PKD1L3: variants seen among roughly 807,000 people sequenced by gnomAD.
PKD1L3 encodes polycystin-1-like protein 3.
Under a neutral mutation model 184.1 loss-of-function variants are expected in PKD1L3, and 239 were observed. That is an observed-to-expected ratio of 1.30 (90% CI 1.17 to 1.45). The LOEUF is 1.45. PKD1L3 is among the 40% of genes most tolerant of loss of function. The probability of loss-of-function intolerance (pLI) is 0.00; values close to 1 mark genes in which losing one functional copy is unlikely to be tolerated. For missense variants in PKD1L3, 2,660 were observed against 2,067.2 expected (o/e 1.29, Z -5.56); for synonymous variants, 996 against 778.8 (o/e 1.28, Z -4.64).
chr16:71,973,906 G>C (rs954816453), intron 11 of PKD1L3, among the ~76,000 whole-genome samples: 1 of 151,958 alleles, frequency 6.6e-6, no homozygotes, highest in Non-Finnish European at 1.5e-5. Context: ...GGAGGCTGAG[G>C]CAGGAAAATT....
intron 11 of PKD1L3, among the ~76,000 whole-genome samples, chr16:71,975,654 T>A (rs544133577): frequency 6.6e-6 from 1 of 152,338 alleles, no homozygotes; most frequent in African/African-American, 2.4e-5. Context: ...GGAATAACCA[T>A]ATAACCATTA....
chr16:71,984,026 C>CTCCA lies in PKD1L3; in HGVS notation c.966+6_966+9dup. 6.4e-7 allele frequency: 1 copy of CTCCA among 1,551,614 alleles called. No individual in the cohort carries two copies. Among genetic ancestry groups the CTCCA allele is most frequent in the Non-Finnish European group, 8.7e-7 (1 of 1,146,694 alleles). On this transcript the variant is annotated intron_variant, in intron 6 of 29. Transcript: ENST00000620267. ...CCTACCTTCTTCCCTCCCAGTCACC[C>CTCCA]TCCACTTACCTGAGCTGGCTTAGAA...
At chr16:71,955,359 C>G (rs1250676109) in intron 16 of PKD1L3, among the ~76,000 whole-genome samples, 2 of 151,710 alleles carry the variant, frequency 1.3e-5, no homozygotes, top group African/African-American at 2.4e-5. Context: ...TTTAATGGGA[C>G]CCAGGAGGCA....
chr16:71,938,844 C>T (rs2038267865), intron 24 of PKD1L3, among the ~76,000 whole-genome samples: 1 of 152,246 alleles, frequency 6.6e-6, no homozygotes, highest in Non-Finnish European at 1.5e-5. Flanking sequence ...CTCTCACCCT[C>T]CAGTTGTCAG....
chr16:71,982,347 G>C (rs891018941), intron 6 of PKD1L3, 112 bp from the exon 7 acceptor site: 66 of 937,636 alleles, frequency 7.0e-5, no homozygotes, highest in Non-Finnish European at 9.4e-5. Flanking sequence ...GTGCAATGGC[G>C]TGATATCGAC....
At chr16:71,982,621 G>C (rs1053444139) in intron 6 of PKD1L3, among the ~76,000 whole-genome samples, 7 of 151,554 alleles carry the variant, frequency 4.6e-5, no homozygotes, top group Non-Finnish European at 8.8e-5. Context: ...TTAAGAGATG[G>C]GGTCTTGCTC....
At chr16:71,968,830 A>C (rs1454551208) in intron 13 of PKD1L3, among the ~76,000 whole-genome samples, 1 of 152,150 alleles carries the variant, frequency 6.6e-6, no homozygotes, top group Non-Finnish European at 1.5e-5. Context: ...TCTTGACCTC[A>C]AGCGATCCAC....
chr16:71,952,195 A>AGTTTT, intron 18 of PKD1L3, among the ~76,000 whole-genome samples: 1 of 50,790 alleles, frequency 2.0e-5, no homozygotes, highest in East Asian at 7.4e-4. Context: ...GGAGCATGTC[A>AGTTTT]TTTTTTTTTT....
At chr16:71,968,744 C>A (rs770449349) in intron 13 of PKD1L3, among the ~76,000 whole-genome samples, 98 of 151,500 alleles carry the variant, frequency 6.5e-4, no homozygotes, top group Non-Finnish European at 1.2e-3. Context: ...TACAGACATG[C>A]ACCACCACAG....
At chr16:71,986,914 ATTTTTTTTTTTTTTT>A (rs71153694) in intron 4 of PKD1L3, among the ~76,000 whole-genome samples, 2 of 81,366 alleles carry the variant, frequency 2.5e-5, no homozygotes, top group Non-Finnish European at 4.3e-5. Flanking sequence ...TAAGGAGAGG[ATTTTTTTTTTTTTTT>A]TTTTTTTTTT....
At chr16:71,931,893 C>T (rs1326257862) in intron 28 of PKD1L3, among the ~76,000 whole-genome samples, 2 of 152,068 alleles carry the variant, frequency 1.3e-5, no homozygotes, top group Non-Finnish European at 2.9e-5. Flanking sequence ...AGTTGTTACA[C>T]CGGTTTGTGG....
In PKD1L3 at chr16:71,937,277, AC is replaced by A; in HGVS notation, c.4452+14del. 1 of 1,547,514 alleles carries A rather than the reference AC, an allele frequency of 6.5e-7. No individual in the cohort carries two copies. Among genetic ancestry groups the A allele is most frequent in the South Asian group, 1.2e-5 (1 of 83,132 alleles). ...GCCATGTTGCCCAGGCTGACATCTA[AC>A]ATTATTGACTCACCTGTATGAAGGC... On this transcript the variant is annotated intron_variant, in intron 25 of 29. Coordinates refer to ENST00000620267, the MANE Select transcript of PKD1L3 (RefSeq NM_181536.2).
In PKD1L3 at chr16:71,933,400, A is replaced by G; in HGVS notation, c.4926+20T>C. On this transcript the variant is annotated intron_variant, in intron 28 of 29. Coordinates refer to ENST00000620267, the MANE Select transcript of PKD1L3 (RefSeq NM_181536.2). ...GTTCAATATATTGAATTCTGTGAGG[A>G]AACAAATTATTATTTTTACCTCCTC... The G allele has an allele frequency of 6.7e-7, 1 of 1,502,618 alleles. No individual in the cohort carries two copies. 93.1% of individuals were successfully genotyped at this position (1,502,618 alleles called of 1,614,324 possible).
intron 11 of PKD1L3, among the ~76,000 whole-genome samples, 166 bp from the exon 12 acceptor site, chr16:71,973,683 G>A (rs2039807844): frequency 6.6e-6 from 1 of 152,156 alleles, no homozygotes; most frequent in Admixed American, 6.6e-5. Context: ...CCTGGGCTCT[G>A]GATTACTACT....
intron 16 of PKD1L3, among the ~76,000 whole-genome samples, chr16:71,962,172 C>G (rs574190735): frequency 6.6e-6 from 1 of 152,236 alleles, no homozygotes; most frequent in Non-Finnish European, 1.5e-5. Flanking sequence ...GATTTGTCCA[C>G]CTCGGCCTCC....
At chr16:71,934,385 G>C (rs1397339592) in intron 26 of PKD1L3, among the ~76,000 whole-genome samples, 1 of 152,140 alleles carries the variant, frequency 6.6e-6, no homozygotes, top group Non-Finnish European at 1.5e-5. Context: ...GTGACCTCTA[G>C]CTGATTTCTT....
intron 15 of PKD1L3, among the ~76,000 whole-genome samples, chr16:71,964,482 G>A (rs765378164): frequency 6.6e-6 from 1 of 151,250 alleles, no homozygotes; most frequent in Non-Finnish European, 1.5e-5. Context: ...GGGACTACAG[G>A]AAGGAGCCAC....
At chr16:71,937,062 A>T (rs1390791656) in intron 25 of PKD1L3, among the ~76,000 whole-genome samples, 1 of 151,894 alleles carries the variant, frequency 6.6e-6, no homozygotes, top group African/African-American at 2.4e-5. Context: ...CATCATCATC[A>T]TCATTATTTT....
intron 15 of PKD1L3, among the ~76,000 whole-genome samples, chr16:71,964,729 G>GC (rs1005869018): frequency 6.6e-6 from 1 of 151,638 alleles, no homozygotes; most frequent in African/African-American, 2.4e-5. Flanking sequence ...GTCACCTCCT[G>GC]CCCCCTCATT....
Sources: allele counts gnomAD v4.1 joint callset (sites outside exome capture counted in the v4.1 genomes callset), GRCh38; gene constraint gnomAD v4.1.1; transcripts MANE v1.5; gene names NCBI Gene and HGNC (gene_info 2026-07-23, HGNC 2026-07-21).